Variants in SLC39A14 observed in about 807,000 individuals in gnomAD.
SLC39A14 encodes the protein solute carrier family 39 member 14.
Under a neutral mutation model 45.5 loss-of-function variants are expected in SLC39A14, and 19 were observed. The ratio of observed to expected loss-of-function variants is 0.42; its 90% CI spans 0.29 to 0.61. The LOEUF (loss-of-function observed/expected upper bound fraction) is 0.61. Ranked by LOEUF, SLC39A14 falls within the 20% of genes least tolerant of loss-of-function variation. The probability of loss-of-function intolerance (pLI) is 0.22; values close to 1 mark genes in which losing one functional copy is unlikely to be tolerated. For missense variants in SLC39A14, 447 were observed against 616.5 expected, an observed-to-expected ratio of 0.73 and a Z score of 2.91; for synonymous variants, 264 against 251.3, an observed-to-expected ratio of 1.05 and a Z score of -0.48.
chr8:22,400,095 C>A (rs1834769422), intron 1 of SLC39A14, among the ~76,000 whole-genome samples: 1 of 152,186 alleles, frequency 6.6e-6, no homozygotes, highest in Admixed American at 6.5e-5. Context: ...TGCACAGAGA[C>A]ACGCAGGACT....
chr8:22,423,765 C>A (rs931891924), downstream of SLC39A14, among the ~76,000 whole-genome samples: 1 of 92,784 alleles, frequency 1.1e-5, no homozygotes, highest in African/African-American at 3.4e-5. Flanking sequence ...CCGCGCCTGG[C>A]CTATACTCAC....
chr8:22,373,531 A>G (rs932791430), intron 1 of SLC39A14, among the ~76,000 whole-genome samples: 1 of 152,098 alleles, frequency 6.6e-6, no homozygotes, highest in Non-Finnish European at 1.5e-5. Context: ...TTTCTCAAAG[A>G]CTCAAGATGA....
In SLC39A14 at chr8:22,387,819, C is replaced by CG. The variant is rs200402370; in HGVS notation, c.-15-16874dup. Among the ~76,000 whole-genome samples the CG allele has an allele frequency of 7.7e-4, 118 of 152,320 alleles. 2 individuals are homozygous for CG. The East Asian group carries it at 0.022, about 28-fold the overall frequency. ...GGAGCTTTAAGAAGACACCTGTAGCCGGGAGCATTGGCTCACGCCTGTAAT... is the reference window on the plus strand; with the variant it reads ...GGAGCTTTAAGAAGACACCTGTAGCCGGGGAGCATTGGCTCACGCCTGTAAT... On this transcript the variant is annotated intron_variant, in intron 1 of 8. Coordinates refer to ENST00000381237, the MANE Select transcript of SLC39A14 (RefSeq NM_001128431.4).
chr8:22,429,294 A>G (rs1836433921), intron 8 of SLC39A14, among the ~76,000 whole-genome samples: 1 of 152,182 alleles, frequency 6.6e-6, no homozygotes, highest in Non-Finnish European at 1.5e-5. Context: ...ACAAAAAAAG[A>G]ACACAGGATT....
intron 8 of SLC39A14, among the ~76,000 whole-genome samples, chr8:22,429,955 C>T (rs1836442670): frequency 6.6e-6 from 1 of 152,138 alleles, no homozygotes; most frequent in Non-Finnish European, 1.5e-5. Flanking sequence ...TGTTCTAAGC[C>T]AAAGGGCCGG....
chr8:22,425,289 T>C (rs780148151), downstream of SLC39A14, among the ~76,000 whole-genome samples: 6 of 152,222 alleles, frequency 3.9e-5, no homozygotes. Context: ...GCCATCTCTT[T>C]GTAATACTCT....
chr8:22,380,170 G>A (rs551159231), intron 1 of SLC39A14, among the ~76,000 whole-genome samples: 3 of 152,196 alleles, frequency 2.0e-5, no homozygotes, highest in South Asian at 2.1e-4. Flanking sequence ...TCCTGGAGGC[G>A]GAGAGGGTGT....
At chr8:22,419,461 C>G in intron 8 of SLC39A14, 91 bp from the exon 9 acceptor site, 1 of 1,329,412 alleles carries the variant, frequency 7.5e-7, no homozygotes, top group Non-Finnish European at 1.0e-6. Context: ...CTTTGTCAAC[C>G]AACCTGATCT....
intron 1 of SLC39A14, among the ~76,000 whole-genome samples, chr8:22,402,546 G>A (rs1282859388): frequency 1.3e-5 from 2 of 152,148 alleles, no homozygotes; most frequent in Non-Finnish European, 2.9e-5. Context: ...GAGGCAGGAG[G>A]ATCATCTGAG....
Position 22,421,960 on chromosome 8 carries a change from G to A in SLC39A14, c.*2262G>A, listed in dbSNP as rs1306882396. ...CTCTTTAAACCGTAGTTGGCGCAGA[G>A]GTCAGTCCTAGTCGGAGCTTAGGAG... On this transcript the variant is annotated 3_prime_UTR_variant, in exon 9 of 9. Transcript: ENST00000381237. 2.0e-6 allele frequency: 2 copies of A among 985,342 alleles called. No homozygotes were observed. Among genetic ancestry groups the A allele is most frequent in the African/African-American group, 3.5e-5 (2 of 57,242 alleles). 61.0% of individuals were successfully genotyped at this position (985,342 alleles called of 1,614,324 possible). A position where few individuals can be genotyped will look rare whatever the true frequency, so the allele number is the denominator to read the frequency against.
intron 8 of SLC39A14, 129 bp from the exon 9 acceptor site, chr8:22,419,423 A>AGCC: frequency 1.2e-6 from 1 of 831,600 alleles, no homozygotes. Flanking sequence ...ACCTCTAGTG[A>AGCC]GCCGCTGCAC....
At chr8:22,433,355 A>C (rs973265036) in intron 8 of SLC39A14, among the ~76,000 whole-genome samples, 13 of 151,848 alleles carry the variant, frequency 8.6e-5, no homozygotes, top group Non-Finnish European at 1.9e-4. Context: ...GAGGTCTTTT[A>C]TTTTTAAAGA....
intron 1 of SLC39A14, among the ~76,000 whole-genome samples, chr8:22,404,069 AG>A: frequency 6.6e-6 from 1 of 152,128 alleles, no homozygotes. Flanking sequence ...ATTTTGAAGC[AG>A]TCCCCAGATA....
intron 4 of SLC39A14, among the ~76,000 whole-genome samples, chr8:22,413,375 A>G (rs1205949213): frequency 6.6e-6 from 1 of 151,712 alleles, no homozygotes; most frequent in Non-Finnish European, 1.5e-5. Context: ...AAGAGCGCAT[A>G]TCCCTGAGTC....
chr8:22,419,913 C>T lies in SLC39A14; in HGVS notation c.*215C>T, dbSNP rs1362913907. The T allele has an allele frequency of 4.8e-6, 6 of 1,248,604 alleles. No homozygotes were observed. Among genetic ancestry groups the T allele is most frequent in the Non-Finnish European group, 6.0e-6 (6 of 995,768 alleles). 77.3% of individuals were successfully genotyped at this position (1,248,604 alleles called of 1,614,324 possible). ...CCAGTCTCTAGCTAGTGCCTCTTGC[C>T]CTCTCCTCACCTCCTTTTCTCTCAG... is the stretch of plus-strand genomic sequence containing the variant. On this transcript the variant is annotated 3_prime_UTR_variant, in exon 9 of 9. Transcript: ENST00000381237.
intron 5 of SLC39A14, 30 bp from the exon 6 acceptor site, chr8:22,415,739 C>CGCCGTATCATTAAAAA: frequency 6.3e-7 from 1 of 1,598,194 alleles, no homozygotes. Flanking sequence ...TGGTGAATGT[C>CGCCGTATCATTAAAAA]ATGCTGATCC....
In SLC39A14 at chr8:22,404,996, G is replaced by T; in HGVS notation, c.270+16G>T. 1 of 1,609,772 alleles carries T rather than the reference G, an allele frequency of 6.2e-7. No individual in the cohort carries two copies. The highest frequency in any genetic ancestry group is 1.3e-5 in the African/African-American group (1 of 75,016). On this transcript the variant is annotated intron_variant, in intron 2 of 8. Transcript: ENST00000381237. ...CCTCTCCACGGTAAGGCTCCCCTGT[G>T]AGCCAGCAGCTCTGCTCAGCCCCGT...
intron 1 of SLC39A14, among the ~76,000 whole-genome samples, chr8:22,377,158 G>T (rs536160800): frequency 6.6e-6 from 1 of 152,246 alleles, no homozygotes; most frequent in South Asian, 2.1e-4. Context: ...TTCATAATCA[G>T]ATTTTGTTCT....
intron 4 of SLC39A14, among the ~76,000 whole-genome samples, chr8:22,414,465 A>C (rs1563596915): frequency 6.6e-6 from 1 of 152,260 alleles, no homozygotes; most frequent in Admixed American, 6.5e-5. Context: ...GAATGCCTTC[A>C]TAGCAAAGCA....
Sources: gnomAD v4.1 joint callset for allele counts (sites outside exome capture counted in the v4.1 genomes callset) on GRCh38, gnomAD v4.1.1 for gene constraint, MANE v1.5 for transcripts, NCBI Gene and HGNC (gene_info 2026-07-23, HGNC 2026-07-21) for gene names.